The following LIPA variants were observed in gnomAD, a reference collection of about 807,000 sequenced individuals.
LIPA encodes the protein lysosomal acid lipase/cholesteryl ester hydrolase.
Under a neutral mutation model 40.6 loss-of-function variants are expected in LIPA, and 26 were observed. The observed-to-expected ratio is 0.64, with a 90% CI of 0.47 to 0.89. The LOEUF is 0.89. Among genes scored for constraint, LIPA ranks in the 40% least tolerant of loss-of-function variants. The pLI, the probability that LIPA is intolerant of heterozygous loss-of-function variation, is 0.00. For synonymous variants in LIPA, 188 were observed against 168.4 expected (o/e 1.12, Z -0.90); for missense variants, 455 against 479.6 (o/e 0.95, Z 0.48).
chr10:89,258,332 G>GA (rs1182287033), intron 1 of LIPA, among the ~76,000 whole-genome samples: 6 of 152,022 alleles, frequency 3.9e-5, no homozygotes, highest in Admixed American at 6.6e-5. Flanking sequence ...GGAGTTCCTG[G>GA]AAAAAAATTG....
At chr10:89,409,540 G>A (rs572254199) in intron 2 of LIPA, among the ~76,000 whole-genome samples, 2 of 152,324 alleles carry the variant, frequency 1.3e-5, no homozygotes, top group Non-Finnish European at 2.9e-5. Context: ...CCAACCAGAT[G>A]ATCCAACAAC....
At chr10:89,393,217 A>G (rs942711807) in intron 2 of LIPA, 1 of 1,289,762 alleles carries the variant, frequency 7.8e-7, no homozygotes, top group Non-Finnish European at 1.0e-6. Flanking sequence ...GGAAAAGCTC[A>G]CAGCCTTCCT....
chr10:89,216,720 A>T (rs1842632112), intron 8 of LIPA, among the ~76,000 whole-genome samples: 1 of 152,194 alleles, frequency 6.6e-6, no homozygotes, highest in South Asian at 2.1e-4. Context: ...ACATCATTTT[A>T]TATAAGGGAC....
intron 1 of LIPA, among the ~76,000 whole-genome samples, chr10:89,258,964 T>TC (rs1424178562): frequency 6.6e-6 from 1 of 152,202 alleles, no homozygotes; most frequent in Non-Finnish European, 1.5e-5. Flanking sequence ...AAAAGACCCT[T>TC]CCACTTGCAT....
intron 1 of LIPA, chr10:89,308,629 A>T (rs1843498651): frequency 6.6e-6 from 1 of 152,254 alleles, no homozygotes; most frequent in African/African-American, 2.4e-5. Context: ...GGTGTGAACC[A>T]AAATAGAGTC....
chr10:89,372,143 C>T (rs1441053886), intron 2 of LIPA, among the ~76,000 whole-genome samples: 1 of 152,212 alleles, frequency 6.6e-6, no homozygotes, highest in Non-Finnish European at 1.5e-5. Context: ...AGTCAGCTGG[C>T]AGTTTCACCG....
chr10:89,250,243 G>A (rs1417041220), intron 1 of LIPA, among the ~76,000 whole-genome samples: 1 of 151,626 alleles, frequency 6.6e-6, no homozygotes, highest in Non-Finnish European at 1.5e-5. Context: ...GGGACTACAG[G>A]CGCCCACCAC....
chr10:89,400,977 G>A (rs1844413178), intron 2 of LIPA, among the ~76,000 whole-genome samples: 2 of 151,634 alleles, frequency 1.3e-5, no homozygotes. Flanking sequence ...CATAAAGGGT[G>A]TTGAATTTTG....
chr10:89,396,407 T>C (rs992541215), intron 2 of LIPA, among the ~76,000 whole-genome samples: 2 of 152,228 alleles, frequency 1.3e-5, no homozygotes, highest in Non-Finnish European at 2.9e-5. Flanking sequence ...GTGAGGGCTT[T>C]GGTGCTGTGT....
intron 1 of LIPA, among the ~76,000 whole-genome samples, chr10:89,290,384 G>T (rs1843367263): frequency 1.3e-5 from 2 of 152,034 alleles, no homozygotes; most frequent in South Asian, 4.1e-4. Context: ...TCCCACTCTA[G>T]AAGCAGCCCT....
chr10:89,222,698 G>A (rs1842716144), intron 7 of LIPA, 116 bp from the exon 8 acceptor site: 6 of 750,422 alleles, frequency 8.0e-6, no homozygotes, highest in Non-Finnish European at 1.4e-5. Flanking sequence ...TCTCAAGTAT[G>A]TGAGATGAGA....
intron 3 of LIPA, among the ~76,000 whole-genome samples, chr10:89,234,332 G>A (rs1483801471): frequency 6.6e-6 from 1 of 152,146 alleles, no homozygotes; most frequent in Non-Finnish European, 1.5e-5. Flanking sequence ...GGACTTCATG[G>A]GGTGCACATC....
rs1589554283 is a variant in LIPA at position 89,223,708 on chromosome 10, T to A, written c.798A>T (p.Gly266=). ...LCGNLCFLLC[G]FNERNLNMSR... ...CCATATTTAAATTTCTCTCATTAAA[T>A]CCACACAGAAGAAAACAGAGATTTC... Residue 266 remains glycine, a synonymous_variant, in exon 7 of 10, where the codon GGA becomes GGT. Transcript: ENST00000336233. The A allele has an allele frequency of 6.2e-7, 1 of 1,612,790 alleles. No individual in the cohort carries two copies. The highest frequency in any genetic ancestry group is 1.7e-5 in the Admixed American group (1 of 60,028).
chr10:89,313,729 AC>A, intron 1 of LIPA, among the ~76,000 whole-genome samples: 1 of 152,386 alleles, frequency 6.6e-6, no homozygotes, highest in South Asian at 2.1e-4. Context: ...ACTTACTGAT[AC>A]ATGATACAAC....
chr10:89,228,331 A>C lies in LIPA; in HGVS notation c.297T>G (p.Leu99=). ...GAATGAAGCCCAGGCTGCTGTTGGC[A>C]AGGTTTGTGACCCAGTTACTAGAAT... ...LADSSNWVTN[L]ANSSLGFILA... is the part of the protein sequence containing the mutation. Residue 99 remains leucine, a synonymous_variant, in exon 4 of 10, where the codon CTT becomes CTG. Transcript: ENST00000336233. 6.2e-7 allele frequency: 1 copy of C among 1,614,224 alleles called. No homozygotes were observed. Among genetic ancestry groups the C allele is most frequent in the Non-Finnish European group, 8.5e-7 (1 of 1,180,030 alleles).
chr10:89,371,655 G>A (rs1844091984), intron 2 of LIPA, among the ~76,000 whole-genome samples: 2 of 152,166 alleles, frequency 1.3e-5, no homozygotes, highest in African/African-American at 2.4e-5. Flanking sequence ...TTTGCTGAAC[G>A]TTTGAACTGA....
At chr10:89,364,239 C>T (rs1844043144) in intron 2 of LIPA, among the ~76,000 whole-genome samples, 1 of 152,186 alleles carries the variant, frequency 6.6e-6, no homozygotes, top group South Asian at 2.1e-4. Context: ...CTTTGTCACT[C>T]TTGATATGTC....
chr10:89,259,018 T>C (rs1475674685), intron 1 of LIPA, among the ~76,000 whole-genome samples: 3 of 152,198 alleles, frequency 2.0e-5, no homozygotes, highest in Admixed American at 2.0e-4. Context: ...GCAAGTAGAT[T>C]AGTAGTTGCC....
At chr10:89,326,461 T>C (rs1409049903) in intron 1 of LIPA, among the ~76,000 whole-genome samples, 1 of 152,036 alleles carries the variant, frequency 6.6e-6, no homozygotes, top group Non-Finnish European at 1.5e-5. Context: ...GCGGGGGAAG[T>C]GGGGATGGTT....
Sources: allele counts gnomAD v4.1 joint callset (sites outside exome capture counted in the v4.1 genomes callset), GRCh38; gene constraint gnomAD v4.1.1; transcripts MANE v1.5; gene names NCBI Gene and HGNC (gene_info 2026-07-23, HGNC 2026-07-21).